TRPM7: variants seen among roughly 807,000 people sequenced by gnomAD.
TRPM7 encodes the protein LTRPC ion channel family member 7.
In TRPM7, 134 loss-of-function variants were observed where a neutral mutation model predicts 229.7. The observed-to-expected ratio is 0.58, with a 90% confidence interval of 0.51 to 0.67. The LOEUF (loss-of-function observed/expected upper bound fraction) is 0.67. TRPM7 is among the 30% of genes least tolerant of loss of function. The probability of loss-of-function intolerance (pLI) is 0.00; values close to 1 mark genes in which losing one functional copy is unlikely to be tolerated. For missense variants in TRPM7, 1,901 were observed against 2,210.0 expected, an observed-to-expected ratio of 0.86 and a Z score of 2.80; for synonymous variants, 699 against 715.2, an observed-to-expected ratio of 0.98 and a Z score of 0.36.
intron 2 of TRPM7, among the ~76,000 whole-genome samples, chr15:50,660,620 G>A (rs2061698565): frequency 6.6e-6 from 1 of 152,100 alleles, no homozygotes. Flanking sequence ...CAAAGTGCTG[G>A]AATTACAGGC....
chr15:50,600,365 AG>A (rs750272823), intron 21 of TRPM7, among the ~76,000 whole-genome samples: 19 of 151,318 alleles, frequency 1.3e-4, no homozygotes, highest in Non-Finnish European at 2.2e-4. Flanking sequence ...TGAACCCAGG[AG>A]GCGGAGGCTG....
intron 13 of TRPM7, among the ~76,000 whole-genome samples, chr15:50,614,572 G>C (rs905978552): frequency 2.0e-5 from 3 of 151,538 alleles, no homozygotes; most frequent in African/African-American, 4.9e-5. Flanking sequence ...GGCTGAGGCA[G>C]GAGAATTGCT....
intron 22 of TRPM7, among the ~76,000 whole-genome samples, chr15:50,598,776 T>C (rs766719237): frequency 8.1e-4 from 123 of 152,198 alleles, no homozygotes; most frequent in Non-Finnish European, 1.5e-3. Context: ...GGGAAACTTA[T>C]AGAGTTGGCA....
chr15:50,576,989 G>C (rs1268081713), intron 31 of TRPM7, among the ~76,000 whole-genome samples: 2 of 152,092 alleles, frequency 1.3e-5, no homozygotes, highest in Non-Finnish European at 2.9e-5. Flanking sequence ...GCACCCACCT[G>C]TAGTCCTAGC....
intron 36 of TRPM7, among the ~76,000 whole-genome samples, chr15:50,573,573 G>C (rs1020660713): frequency 6.6e-6 from 1 of 152,122 alleles, no homozygotes; most frequent in South Asian, 2.1e-4. Context: ...AATGGCAGTT[G>C]TTTTAAATCC....
At chr15:50,571,825 C>T (rs1396417535) in intron 36 of TRPM7, among the ~76,000 whole-genome samples, 5 of 152,048 alleles carry the variant, frequency 3.3e-5, no homozygotes, top group Admixed American at 1.3e-4. Context: ...GTGAAGATAC[C>T]GTGAACATTG....
intron 2 of TRPM7, among the ~76,000 whole-genome samples, chr15:50,659,193 A>G (rs986821887): frequency 4.6e-5 from 5 of 107,562 alleles, no homozygotes; most frequent in African/African-American, 2.1e-4. Flanking sequence ...ACTCCGTCTC[A>G]AAAAAAAAAA....
chr15:50,599,501 T>A, intron 21 of TRPM7: 3 of 411,234 alleles, frequency 7.3e-6, no homozygotes, highest in Non-Finnish European at 1.3e-5. Flanking sequence ...TAAAAAAAAA[T>A]CTATTAAGCT....
chr15:50,613,704 T>C lies in TRPM7; in HGVS notation c.1770+3A>G. The C allele has an allele frequency of 4.5e-6, 7 of 1,542,232 alleles. No homozygotes were observed. The highest frequency in any genetic ancestry group is 6.1e-6 in the Non-Finnish European group (7 of 1,150,856). On this transcript the variant is annotated splice_donor_region_variant and intron_variant, in intron 15 of 38. Transcript: ENST00000646667. ...AGAAAGAATAATATTTAAATAAATT[T>C]ACCTTTGGTCGGTAGGGCTGTGCTG...
chr15:50,591,256 A>C (rs2059484989), intron 26 of TRPM7, among the ~76,000 whole-genome samples: 1 of 152,082 alleles, frequency 6.6e-6, no homozygotes, highest in Non-Finnish European at 1.5e-5. Context: ...TGGTTTGGGT[A>C]AAAAAATTAT....
rs776674613 is a variant in TRPM7, at chr15:50,561,628, T to G, written c.*50A>C. 7.5e-6 allele frequency: 12 copies of G among 1,590,838 alleles called. No individual in the cohort carries two copies. Among genetic ancestry groups the G allele is most frequent in the Middle Eastern group, 3.5e-4 (2 of 5,754 alleles). On this transcript the variant is annotated 3_prime_UTR_variant, in exon 39 of 39. Coordinates refer to ENST00000646667, the MANE Select transcript of TRPM7 (RefSeq NM_017672.6). The stretch of plus-strand genomic sequence containing the variant: ...TCCTCCCGAGGGAAAAGTGACACAG[T>G]AACATTTCTGTGAGGTGCAGGCAAA...
At position 50,592,262 on chromosome 15, in the gene TRPM7, G is replaced by T. The variant is rs2059523870; in HGVS notation, c.3973C>A (p.Pro1325Thr). The T allele has an allele frequency of 6.2e-7, 1 of 1,613,712 alleles. No homozygotes were observed. The highest frequency in any genetic ancestry group is 1.3e-5 in the African/African-American group (1 of 74,864). ...TCTTGACCAAATATATTACACTGGG[G>T]ATCTTTGTCATCTTTCATTAAAATA... The part of the protein sequence containing the change: ...CNILMKDDKD[P>T]QCNIFGQDLP... The change falls in exon 26 of 39, where the codon CCC becomes ACC. Residue 1325 changes from proline (P) to threonine (T), a missense_variant. Coordinates refer to ENST00000646667, the MANE Select transcript of TRPM7 (RefSeq NM_017672.6).
chr15:50,683,025 G>C (rs1270415252), intron 1 of TRPM7, among the ~76,000 whole-genome samples: 5 of 151,726 alleles, frequency 3.3e-5, no homozygotes. Flanking sequence ...TGGGACCACA[G>C]GTGCGCATCA....
At chr15:50,620,053 A>G (rs1200241965) in intron 12 of TRPM7, among the ~76,000 whole-genome samples, 1 of 152,214 alleles carries the variant, frequency 6.6e-6, no homozygotes, top group Non-Finnish European at 1.5e-5. Context: ...ATTGTATCTT[A>G]AATTTAAATT....
At chr15:50,593,857 T>C in intron 24 of TRPM7, 108 bp from the exon 25 acceptor site, 1 of 1,127,356 alleles carries the variant, frequency 8.9e-7, no homozygotes, top group East Asian at 2.4e-5. Context: ...ATCCATCATC[T>C]GCACTTTTTA....
At chr15:50,598,909 A>C (rs1041195323) in intron 22 of TRPM7, among the ~76,000 whole-genome samples, 1 of 152,176 alleles carries the variant, frequency 6.6e-6, no homozygotes, top group Non-Finnish European at 1.5e-5. Flanking sequence ...GACAGTTTAG[A>C]CTAGACTTCT....
intron 1 of TRPM7, among the ~76,000 whole-genome samples, chr15:50,679,534 ATATATT>A (rs1247586484): frequency 0.26 from 15,131 of 57,512 alleles, 1,166 homozygotes; most frequent in Middle Eastern, 0.33. Context: ...ATATATATAT[ATATATT>A]TTTTTTTTTT....
At chr15:50,658,936 C>T (rs565793363) in intron 2 of TRPM7, among the ~76,000 whole-genome samples, 6 of 152,108 alleles carry the variant, frequency 3.9e-5, no homozygotes, top group South Asian at 2.1e-4. Context: ...CAGTGGCTCA[C>T]GCCTGTAATG....
In TRPM7 at chr15:50,672,455, T is replaced by A. The variant is rs1264846868; in HGVS notation, c.4-9409A>T. 5.9e-5 allele frequency among the ~76,000 whole-genome samples: 9 copies of A among 152,004 alleles called. No homozygotes were observed. In the South Asian group the frequency reaches 1.9e-3, roughly 32 times the overall value. On this transcript the variant is annotated intron_variant, in intron 1 of 38. Transcript: ENST00000646667. ...GTTATCATAGAAAATGACAACTCCA[T>A]TCATGTTATTGTCCCTCAAAACCTT...
Sources: allele counts gnomAD v4.1 joint callset (sites outside exome capture counted in the v4.1 genomes callset), GRCh38; gene constraint gnomAD v4.1.1; transcripts MANE v1.5; gene names NCBI Gene and HGNC (gene_info 2026-07-23, HGNC 2026-07-21).